The following RAB3GAP1 variants were observed in gnomAD, a reference collection of about 807,000 sequenced individuals.
RAB3GAP1 encodes the protein RAB3 GTPase activating protein catalytic subunit 1, also known as rab3 GTPase-activating protein catalytic subunit.
RAB3GAP1 carries 86 observed loss-of-function variants against 130.7 expected under a neutral mutation model. That is an observed-to-expected ratio of 0.66 (90% CI 0.55 to 0.79). The LOEUF (loss-of-function observed/expected upper bound fraction) is 0.79, where lower values mean the gene tolerates loss of function less well. Among genes scored for constraint, RAB3GAP1 ranks in the 30% least tolerant of loss-of-function variants. The pLI, the probability that RAB3GAP1 is intolerant of heterozygous loss-of-function variation, is 0.00. For missense variants in RAB3GAP1, 1,029 were observed against 1,169.4 expected (o/e 0.88, Z 1.75); for synonymous variants, 367 against 401.7 (o/e 0.91, Z 1.03).
chr2:135,122,324 G>T (rs1476794775), intron 8 of RAB3GAP1, among the ~76,000 whole-genome samples: 1 of 152,096 alleles, frequency 6.6e-6, no homozygotes, highest in East Asian at 1.9e-4. Context: ...GTACCCACTG[G>T]ACAATTTACA....
At chr2:135,155,387 G>C (rs988005874) in intron 19 of RAB3GAP1, among the ~76,000 whole-genome samples, 1 of 152,124 alleles carries the variant, frequency 6.6e-6, no homozygotes, top group African/African-American at 2.4e-5. Context: ...ATAAATGAAA[G>C]ATAAGAAAAG....
intron 5 of RAB3GAP1, among the ~76,000 whole-genome samples, chr2:135,095,573 A>G (rs1370176675): frequency 1.3e-5 from 2 of 152,244 alleles, no homozygotes; most frequent in African/African-American, 2.4e-5. Flanking sequence ...TGTCTAAACT[A>G]TAAATGTGAT....
At chr2:135,077,912 C>T (rs1323301341) in intron 3 of RAB3GAP1, among the ~76,000 whole-genome samples, 1 of 151,988 alleles carries the variant, frequency 6.6e-6, no homozygotes, top group Non-Finnish European at 1.5e-5. Flanking sequence ...CTTTTGTTGT[C>T]GAGTTGTAAG....
intron 3 of RAB3GAP1, among the ~76,000 whole-genome samples, chr2:135,083,329 C>G (rs927400653): frequency 3.3e-5 from 5 of 152,096 alleles, no homozygotes; most frequent in Admixed American, 3.3e-4. Context: ...AGCTGTATAT[C>G]TAGGAGTAGA....
intron 13 of RAB3GAP1, among the ~76,000 whole-genome samples, chr2:135,131,951 C>T (rs1313906446): frequency 1.3e-5 from 2 of 152,200 alleles, no homozygotes; most frequent in African/African-American, 4.8e-5. Context: ...TAATGTTAAT[C>T]TTATCCCCTG....
intron 6 of RAB3GAP1, 95 bp downstream of exon 6, chr2:135,113,365 A>C: frequency 1.3e-6 from 2 of 1,493,168 alleles, no homozygotes; most frequent in East Asian, 2.3e-5. Flanking sequence ...TTTTAACTGT[A>C]ATTAGGAACT....
rs1223260416 is a variant in RAB3GAP1, at chr2:135,169,715, T to C, written c.*934T>C. 4 of 456,380 alleles carry C rather than the reference T, an allele frequency of 8.8e-6. No individual in the cohort carries two copies. The East Asian group carries it at 2.8e-4, about 32-fold the overall frequency. 28.3% of individuals were successfully genotyped at this position (456,380 alleles called of 1,614,324 possible). ...AGTAGAGGATTATTTTAACACACTATTTTGCTTTTGTATTTTAGTTAAAAT... is the reference window on the plus strand; with the variant it reads ...AGTAGAGGATTATTTTAACACACTACTTTGCTTTTGTATTTTAGTTAAAAT... On this transcript the variant is annotated 3_prime_UTR_variant, in exon 24 of 24. Transcript: ENST00000264158.
intron 7 of RAB3GAP1, among the ~76,000 whole-genome samples, chr2:135,119,506 A>ATT (rs1385649473): frequency 2.6e-5 from 4 of 152,176 alleles, no homozygotes; most frequent in Admixed American, 1.3e-4. Flanking sequence ...CTTCTAGAAC[A>ATT]TTTGCTCCTT....
rs188173228 is a variant in RAB3GAP1, at chr2:135,157,704, C to T, written c.2289+3828C>T. On this transcript the variant is annotated intron_variant, in intron 19 of 23. Coordinates refer to ENST00000264158, the MANE Select transcript of RAB3GAP1 (RefSeq NM_012233.3). ...AAAATTAGCTGGGGGTGGTAGCACA[C>T]GTCTGTAATCCCAGCTACTCAAGAG... is the stretch of plus-strand genomic sequence containing the variant. Among the ~76,000 whole-genome samples the T allele has an allele frequency of 2.6e-3, 401 of 151,850 alleles. 4 individuals carry two copies. Among genetic ancestry groups the T allele is most frequent in the Non-Finnish European group, 2.7e-3 (183 of 67,932 alleles).
intron 2 of RAB3GAP1, among the ~76,000 whole-genome samples, chr2:135,055,016 A>G (rs574654216): frequency 6.6e-6 from 1 of 152,350 alleles, no homozygotes; most frequent in East Asian, 1.9e-4. Flanking sequence ...GACAATATTT[A>G]TTGAATCCCC....
intron 8 of RAB3GAP1, among the ~76,000 whole-genome samples, chr2:135,122,484 T>G (rs1029906020): frequency 1.3e-5 from 2 of 152,218 alleles, no homozygotes; most frequent in African/African-American, 4.8e-5. Context: ...CTTAGCATTA[T>G]AAGATTGCCA....
chr2:135,076,589 A>T (rs1689641322), intron 3 of RAB3GAP1, among the ~76,000 whole-genome samples: 1 of 152,168 alleles, frequency 6.6e-6, no homozygotes, highest in South Asian at 2.1e-4. Context: ...TGGGTTGCAG[A>T]TATTTTCCCT....
intron 4 of RAB3GAP1, among the ~76,000 whole-genome samples, chr2:135,091,625 T>C (rs950254642): frequency 6.6e-6 from 1 of 152,192 alleles, no homozygotes; most frequent in Non-Finnish European, 1.5e-5. Context: ...TAAAATTTTA[T>C]TTTTTCTACT....
In RAB3GAP1 at chr2:135,112,269, G is replaced by A. The variant is rs569896084; in HGVS notation, c.363-882G>A. On this transcript the variant is annotated intron_variant, in intron 5 of 23. Transcript: ENST00000264158. ...TTCTGGAAAGGCTGAAGCTGGAGAC[G>A]GTAAACCGCAACACCGTCCCAGGTC... Among the ~76,000 whole-genome samples, 279 of 152,252 alleles carry A rather than the reference G, an allele frequency of 1.8e-3. 2 individuals carry two copies. Among genetic ancestry groups the A allele is most frequent in the African/African-American group, 6.2e-3 (256 of 41,546 alleles).
intron 17 of RAB3GAP1, among the ~76,000 whole-genome samples, chr2:135,144,642 G>C (rs759454277): frequency 6.6e-6 from 1 of 152,244 alleles, no homozygotes; most frequent in Admixed American, 6.5e-5. Flanking sequence ...CTGAGGACCT[G>C]CCTCTTACCT....
chr2:135,102,609 G>A (rs1359420421), intron 5 of RAB3GAP1, among the ~76,000 whole-genome samples: 3 of 152,192 alleles, frequency 2.0e-5, no homozygotes, highest in Non-Finnish European at 4.4e-5. Context: ...TTTGTTGAGC[G>A]TTGTCTTTGG....
chr2:135,057,054 A>G (rs1475572148), intron 2 of RAB3GAP1, among the ~76,000 whole-genome samples: 1 of 152,180 alleles, frequency 6.6e-6, no homozygotes, highest in East Asian at 1.9e-4. Flanking sequence ...TCTTCTGAAA[A>G]TGTCTTTGAC....
chr2:135,113,582 A>G (rs1690882513), intron 6 of RAB3GAP1, among the ~76,000 whole-genome samples: 1 of 152,152 alleles, frequency 6.6e-6, no homozygotes, highest in Admixed American at 6.5e-5. Flanking sequence ...GCATGCACAA[A>G]TGAAGCAAAC....
chr2:135,107,692 A>G (rs1476280213), intron 5 of RAB3GAP1, among the ~76,000 whole-genome samples: 3 of 152,156 alleles, frequency 2.0e-5, no homozygotes, highest in Non-Finnish European at 4.4e-5. Context: ...GGTAGCATTC[A>G]AAGTAAGTGG....
Sources: gnomAD v4.1 joint callset for allele counts (sites outside exome capture counted in the v4.1 genomes callset) on GRCh38, gnomAD v4.1.1 for gene constraint, MANE v1.5 for transcripts, NCBI Gene and HGNC (gene_info 2026-07-23, HGNC 2026-07-21) for gene names.